The following PLOD2 variants were observed in gnomAD, a reference collection of about 807,000 sequenced individuals.
The protein encoded by PLOD2 is procollagen-lysine,2-oxoglutarate 5-dioxygenase 2.
Under a neutral mutation model 101.0 loss-of-function variants are expected in PLOD2, and 65 were observed. The ratio of observed to expected loss-of-function variants is 0.64; its 90% CI spans 0.53 to 0.79. The LOEUF (loss-of-function observed/expected upper bound fraction) is 0.79, where lower values mean the gene tolerates loss of function less well. PLOD2 is among the 30% of genes least tolerant of loss of function. The pLI is 0.00. For missense variants in PLOD2, 909 were observed against 914.6 expected, an observed-to-expected ratio of 0.99 and a Z score of 0.08; for synonymous variants, 314 against 302.9, an observed-to-expected ratio of 1.04 and a Z score of -0.38.
Position 146,086,789 on chromosome 3 carries a change from T to G in PLOD2, c.1125A>C (p.Gly375=), listed in dbSNP as rs528254786. The G allele has an allele frequency of 3.3e-5, 48 of 1,457,494 alleles. No homozygotes were observed. The East Asian group carries it at 1.2e-3, about 36-fold the overall frequency. The allele number at this position is 1,457,494 out of a possible 1,614,324, so 90.3% of individuals were successfully genotyped here. Residue 375 remains glycine (G), a splice_region_variant and synonymous_variant, in exon 10 of 20, where the codon GGA becomes GGC. Transcript: ENST00000282903. ...AATTTTAATTTATTAAAACATACATTCCCATGTTTCTGGCTTCCGCTTGAC... is the reference window on the plus strand; with the variant it reads ...AATTTTAATTTATTAAAACATACATGCCCATGTTTCTGGCTTCCGCTTGAC... ...NLSQAEARNM[G]MDFCRQDEKC... is the part of the protein sequence containing the mutation.
At chr3:146,121,445 A>C (rs1486930585) in intron 2 of PLOD2, among the ~76,000 whole-genome samples, 197 bp from the exon 3 acceptor site, 1 of 152,124 alleles carries the variant, frequency 6.6e-6, no homozygotes, top group African/African-American at 2.4e-5. Context: ...CCATCCCCAA[A>C]ATGCCCTTCT....
chr3:146,144,330 G>A (rs1247571614), intron 1 of PLOD2, among the ~76,000 whole-genome samples: 2 of 152,014 alleles, frequency 1.3e-5, no homozygotes, highest in African/African-American at 4.8e-5. Context: ...TAAAAAAGGA[G>A]GATAAAGAGA....
chr3:146,089,900 T>C (rs1936918515), intron 8 of PLOD2, among the ~76,000 whole-genome samples: 1 of 151,520 alleles, frequency 6.6e-6, no homozygotes, highest in Non-Finnish European at 1.5e-5. Flanking sequence ...TTCCCAAATA[T>C]GCACATGAGG....
intron 17 of PLOD2, among the ~76,000 whole-genome samples, chr3:146,071,928 T>G (rs900035282): frequency 6.6e-6 from 1 of 151,712 alleles, no homozygotes; most frequent in African/African-American, 2.4e-5. Context: ...AGTTCTTCCT[T>G]ATACTTTAAG....
intron 3 of PLOD2, among the ~76,000 whole-genome samples, chr3:146,114,331 A>C (rs1308346870): frequency 6.6e-6 from 1 of 152,122 alleles, no homozygotes; most frequent in Non-Finnish European, 1.5e-5. Flanking sequence ...TTTTCAAGGC[A>C]ATGTAGTGCC....
At position 146,081,876 on chromosome 3, in the gene PLOD2, AGAGT is replaced by A. The variant is rs761601294; in HGVS notation, c.1233-17_1233-14del. The A allele has an allele frequency of 1.9e-6, 3 of 1,609,824 alleles. No individual in the cohort carries two copies. Among genetic ancestry groups the A allele is most frequent in the Non-Finnish European group, 2.5e-6 (3 of 1,176,558 alleles). On this transcript the variant is annotated splice_polypyrimidine_tract_variant and intron_variant, in intron 11 of 19. Transcript: ENST00000282903. ...AGCAATGATCTTTCTAAAGACAGAG[AGAGT>A]GTGTGTGAGAGAGAGAAACCTATAT...
intron 1 of PLOD2, among the ~76,000 whole-genome samples, chr3:146,149,526 G>A (rs1020486189): frequency 6.6e-6 from 1 of 152,134 alleles, no homozygotes; most frequent in African/African-American, 2.4e-5. Context: ...TCAGTGAGAA[G>A]GAGCCCGGTT....
At chr3:146,096,884 G>C (rs1213564124) in intron 7 of PLOD2, among the ~76,000 whole-genome samples, 16 of 100,780 alleles carry the variant, frequency 1.6e-4, no homozygotes, top group South Asian at 3.5e-4. Flanking sequence ...GGGAGGTGGG[G>C]GGGGGGAGTC....
intron 4 of PLOD2, among the ~76,000 whole-genome samples, chr3:146,108,298 A>G (rs946208475): frequency 2.6e-5 from 4 of 151,932 alleles, no homozygotes; most frequent in Non-Finnish European, 1.5e-5. Context: ...TCCTCACCTC[A>G]GTCTCCAAAG....
At chr3:146,071,015 A>C in intron 19 of PLOD2, 27 bp downstream of exon 19, 1 of 1,589,338 alleles carries the variant, frequency 6.3e-7, no homozygotes. Flanking sequence ...CTTTTGAAAA[A>C]TCTAAAAACA....
At chr3:146,083,568 A>G (rs1936639181) in intron 11 of PLOD2, among the ~76,000 whole-genome samples, 1 of 90,040 alleles carries the variant, frequency 1.1e-5, no homozygotes, top group Non-Finnish European at 2.3e-5. Flanking sequence ...ATGGCAGGTA[A>G]GTCTTTTTCT....
chr3:146,099,551 A>T (rs1937313179), intron 7 of PLOD2, among the ~76,000 whole-genome samples: 1 of 150,596 alleles, frequency 6.6e-6, no homozygotes, highest in Admixed American at 6.6e-5. Context: ...CAGCTGCCTA[A>T]TTTTTTTTCT....
intron 1 of PLOD2, among the ~76,000 whole-genome samples, chr3:146,147,050 C>T (rs1576628622): frequency 6.6e-6 from 1 of 151,724 alleles, no homozygotes; most frequent in Non-Finnish European, 1.5e-5. Context: ...TCAAGAGATA[C>T]GATCTCTATC....
At chr3:146,075,265 C>G (rs1161670953) in intron 15 of PLOD2, among the ~76,000 whole-genome samples, 1 of 151,446 alleles carries the variant, frequency 6.6e-6, no homozygotes, top group African/African-American at 2.4e-5. Context: ...TTACTATCCC[C>G]ATATCTCAAC....
chr3:146,137,516 TG>T (rs746232250), intron 1 of PLOD2, among the ~76,000 whole-genome samples: 3 of 152,220 alleles, frequency 2.0e-5, no homozygotes, highest in Non-Finnish European at 2.9e-5. Context: ...CCCCAAGTGC[TG>T]GGATTACAGA....
intron 12 of PLOD2, among the ~76,000 whole-genome samples, chr3:146,081,294 CA>C (rs35821615): frequency 2.0e-4 from 30 of 152,058 alleles, no homozygotes; most frequent in Admixed American, 1.3e-3. Context: ...CTATTTCACA[CA>C]AAAAAACTCA....
Position 146,121,219 on chromosome 3 carries a change from A to G in PLOD2, c.231T>C (p.Gly77=), listed in dbSNP as rs775473194. The change falls in exon 3 of 20, where the codon GGT becomes GGC. Residue 77 remains glycine (G), a synonymous_variant. Transcript: ENST00000282903. Reference sequence around the variant, plus strand: ...CTCCAATACTATTAATTCCATCACCACCTCTCCATTCTTCTCCTTGACCAA... The same window carrying G: ...CTCCAATACTATTAATTCCATCACCGCCTCTCCATTCTTCTCCTTGACCAA... ...KVLGQGEEWR[G]GDGINSIGGG... is the part of the protein sequence containing the mutation. 6.2e-7 allele frequency: 1 copy of G among 1,610,924 alleles called. No homozygotes were observed. The highest frequency in any genetic ancestry group is 8.5e-7 in the Non-Finnish European group (1 of 1,177,584).
At chr3:146,128,998 A>G (rs774376395) in intron 1 of PLOD2, among the ~76,000 whole-genome samples, 1 of 141,732 alleles carries the variant, frequency 7.1e-6, no homozygotes, top group Non-Finnish European at 1.5e-5. Flanking sequence ...CCTTTTATCC[A>G]TATCTTCTCA....
At chr3:146,159,595 A>G (rs1463119809) in intron 1 of PLOD2, among the ~76,000 whole-genome samples, 1 of 152,138 alleles carries the variant, frequency 6.6e-6, no homozygotes, top group South Asian at 2.1e-4. Flanking sequence ...CTACTTCCAA[A>G]TTTGCTGAAA....
Sources: gnomAD v4.1 joint callset for allele counts (sites outside exome capture counted in the v4.1 genomes callset) on GRCh38, gnomAD v4.1.1 for gene constraint, MANE v1.5 for transcripts, NCBI Gene and HGNC (gene_info 2026-07-23, HGNC 2026-07-21) for gene names.